The following ANO3 variants were observed in gnomAD, a reference collection of about 807,000 sequenced individuals.
ANO3 encodes anoctamin-3.
Under a neutral mutation model 144.8 loss-of-function variants are expected in ANO3, and 99 were observed. The ratio of observed to expected loss-of-function variants is 0.68; its 90% CI spans 0.58 to 0.81. The LOEUF is 0.81. Ranked by LOEUF, ANO3 falls within the 30% of genes least tolerant of loss-of-function variation. The pLI is 0.00. For synonymous variants in ANO3, 414 were observed against 392.6 expected, an observed-to-expected ratio of 1.05 and a Z score of -0.64; for missense variants, 905 against 1,202.2, an observed-to-expected ratio of 0.75 and a Z score of 3.66.
intron 1 of ANO3, among the ~76,000 whole-genome samples, chr11:26,339,941 A>C (rs1198022826): frequency 6.6e-6 from 1 of 152,218 alleles, no homozygotes. Flanking sequence ...CAGCAGCTGC[A>C]GGATACAGGT....
chr11:26,191,783 C>T (rs951835926), intron 1 of ANO3, among the ~76,000 whole-genome samples: 2 of 152,006 alleles, frequency 1.3e-5, no homozygotes, highest in African/African-American at 2.4e-5. Flanking sequence ...TCTCTTTTTC[C>T]GAAATGCATA....
rs11288749 is a variant in ANO3, at chr11:26,460,419, A to AGG, written c.314-2602_314-2601dup. 4.0e-3 allele frequency among the ~76,000 whole-genome samples: 461 copies of AGG among 114,064 alleles called. 4 individuals carry two copies. The highest frequency in any genetic ancestry group is 0.015 in the African/African-American group (391 of 25,848). 74.8% of individuals were successfully genotyped at this position (114,064 alleles called of 152,430 possible). On this transcript the variant is annotated intron_variant, in intron 3 of 26. Coordinates refer to ENST00000256737, the MANE Select transcript of ANO3 (RefSeq NM_031418.4). ...TACCAAGAAAGAAAAAGAAGAAGAAAGGGGGGGGGGCGGGCGGGTGGAAGG... is the reference window on the plus strand; with the variant it reads ...TACCAAGAAAGAAAAAGAAGAAGAAAGGGGGGGGGGGGCGGGCGGGTGGAAGG...
At chr11:26,193,519 C>G (rs1292772864) in intron 1 of ANO3, among the ~76,000 whole-genome samples, 1 of 152,120 alleles carries the variant, frequency 6.6e-6, no homozygotes, top group Non-Finnish European at 1.5e-5. Context: ...TCTCATGTTT[C>G]AGCTTTAATT....
chr11:26,409,298 A>G (rs909734286), intron 1 of ANO3, among the ~76,000 whole-genome samples: 1 of 151,804 alleles, frequency 6.6e-6, no homozygotes, highest in Non-Finnish European at 1.5e-5. Flanking sequence ...AGCTGACACT[A>G]TATCTGGCAC....
intron 1 of ANO3, among the ~76,000 whole-genome samples, chr11:26,437,261 G>T (rs917642407): frequency 6.6e-6 from 1 of 152,206 alleles, no homozygotes; most frequent in Non-Finnish European, 1.5e-5. Flanking sequence ...GGCATCAAAA[G>T]TTCCTGGGGC....
chr11:26,237,059 G>T (rs1417391349), intron 1 of ANO3, among the ~76,000 whole-genome samples: 1 of 151,958 alleles, frequency 6.6e-6, no homozygotes, highest in Non-Finnish European at 1.5e-5. Context: ...GAGTAAAGCA[G>T]TTAATATTAA....
At chr11:26,374,415 G>C (rs1461368) in intron 1 of ANO3, among the ~76,000 whole-genome samples, 59,519 of 151,974 alleles carry the variant, frequency 0.39, 12,070 homozygotes, top group African/African-American at 0.5. Context: ...TACTGAACAC[G>C]TGTTTTCTTT....
At chr11:26,389,172 A>C (rs1856812512) in intron 1 of ANO3, among the ~76,000 whole-genome samples, 2 of 152,166 alleles carry the variant, frequency 1.3e-5, no homozygotes, top group African/African-American at 4.8e-5. Context: ...AGATAAAATC[A>C]ATTTTGTCAG....
At chr11:26,221,862 G>C (rs967090002) in intron 1 of ANO3, among the ~76,000 whole-genome samples, 33 of 152,240 alleles carry the variant, frequency 2.2e-4, no homozygotes, top group African/African-American at 7.9e-4. Context: ...ACAGCACCAA[G>C]GTATCCACCT....
chr11:26,611,324 T>G (rs1852091974), intron 17 of ANO3, among the ~76,000 whole-genome samples: 2 of 152,166 alleles, frequency 1.3e-5, no homozygotes, highest in Non-Finnish European at 1.5e-5. Context: ...CAGTCTCATT[T>G]GTCTCAAGTA....
In ANO3 at chr11:26,376,347, CAG is replaced by C. The variant is rs1322455608; in HGVS notation, c.46+44027_46+44028del. Among the ~76,000 whole-genome samples the C allele has an allele frequency of 2.0e-5, 3 of 152,142 alleles. No homozygotes were observed. The East Asian group carries it at 5.8e-4, about 29-fold the overall frequency. On this transcript the variant is annotated intron_variant, in intron 1 of 26. Transcript: ENST00000256737. ...ATTGATTAAACACTTAAAAAAAAGA[CAG>C]GGAAAATACTCACATCACAGGTAAA...
Position 26,189,152 on chromosome 11 carries a change from T to C in ANO3, c.-25T>C, listed in dbSNP as rs998408294. The C allele has an allele frequency of 1.7e-5, 17 of 972,446 alleles. No individual in the cohort carries two copies. In the African/African-American group the frequency reaches 2.8e-4, roughly 16 times the overall value. 60.2% of individuals were successfully genotyped at this position (972,446 alleles called of 1,614,324 possible). A position where few individuals can be genotyped will look rare whatever the true frequency, so the allele number is the denominator to read the frequency against. ...GAATTCAATAGTGTGAACTTTACTT[T>C]ACATAGTTATATGGGAATTTTGCAA... On this transcript the variant is annotated 5_prime_UTR_variant, in exon 1 of 28. Coordinates refer to the ANO3 transcript ENST00000672621.
chr11:26,370,066 A>T (rs1294950867), intron 1 of ANO3, among the ~76,000 whole-genome samples: 1 of 152,210 alleles, frequency 6.6e-6, no homozygotes, highest in Non-Finnish European at 1.5e-5. Flanking sequence ...TAAAAACCTT[A>T]AGAATCAATT....
At chr11:26,639,113 A>G in intron 20 of ANO3, 31 bp from the exon 21 acceptor site, 1 of 1,467,920 alleles carries the variant, frequency 6.8e-7, no homozygotes, top group Non-Finnish European at 9.6e-7. Flanking sequence ...AAGAAGACCA[A>G]TATCATTATT....
At chr11:26,509,805 A>C (rs1861586111) in intron 5 of ANO3, among the ~76,000 whole-genome samples, 1 of 149,878 alleles carries the variant, frequency 6.7e-6, no homozygotes, top group South Asian at 2.1e-4. Flanking sequence ...TGAGGAACAC[A>C]CATTAGGAAG....
chr11:26,465,141 TG>T (rs1859553155), intron 4 of ANO3, among the ~76,000 whole-genome samples: 1 of 148,792 alleles, frequency 6.7e-6, no homozygotes, highest in African/African-American at 2.5e-5. Flanking sequence ...TGTGTGTGTG[TG>T]TGTGTGTGTG....
intron 1 of ANO3, among the ~76,000 whole-genome samples, chr11:26,236,780 T>G (rs1173943354): frequency 7.5e-6 from 1 of 133,818 alleles, no homozygotes; most frequent in African/African-American, 2.9e-5. Flanking sequence ...ATCGCGCCAC[T>G]GCACTCCAGC....
intron 4 of ANO3, among the ~76,000 whole-genome samples, chr11:26,465,124 TTGTGTGTG>T (rs36230269): frequency 0.082 from 11,920 of 145,306 alleles, 591 homozygotes; most frequent in African/African-American, 0.15. Context: ...CATCATTAAA[TTGTGTGTG>T]TGTGTGTGTG....
chr11:26,449,691 T>C (rs1463019194), intron 3 of ANO3, among the ~76,000 whole-genome samples: 5 of 152,182 alleles, frequency 3.3e-5, no homozygotes, highest in Non-Finnish European at 5.9e-5. Flanking sequence ...ATTGTGATGA[T>C]AGACCTCTAT....
Sources: allele counts gnomAD v4.1 joint callset (sites outside exome capture counted in the v4.1 genomes callset), GRCh38; gene constraint gnomAD v4.1.1; transcripts MANE v1.5; gene names NCBI Gene and HGNC (gene_info 2026-07-23, HGNC 2026-07-21).